The following ADAMTSL3 variants were observed in gnomAD, a reference collection of about 807,000 sequenced individuals.
The protein encoded by ADAMTSL3 is ADAMTS like 3.
In ADAMTSL3, 128 loss-of-function variants were observed where a neutral mutation model predicts 201.7. The observed-to-expected ratio is 0.63, with a 90% confidence interval of 0.55 to 0.73. The LOEUF is 0.73. Ranked by LOEUF, ADAMTSL3 falls within the 30% of genes least tolerant of loss-of-function variation. The pLI, the probability that ADAMTSL3 is intolerant of heterozygous loss-of-function variation, is 0.00. For synonymous variants in ADAMTSL3, 738 were observed against 748.4 expected (o/e 0.99, Z 0.23); for missense variants, 1,990 against 2,119.6 (o/e 0.94, Z 1.20).
At chr15:83,773,794 G>A in intron 4 of ADAMTSL3, 144 bp downstream of exon 4, 3 of 1,219,158 alleles carry the variant, frequency 2.5e-6, no homozygotes, top group Admixed American at 6.2e-5. Flanking sequence ...AGTCAACCTA[G>A]GTTAACATAT....
At chr15:83,802,411 T>C (rs1287689946) in intron 4 of ADAMTSL3, among the ~76,000 whole-genome samples, 1 of 152,222 alleles carries the variant, frequency 6.6e-6, no homozygotes, top group African/African-American at 2.4e-5. Context: ...TGCATGTGAA[T>C]GTTTATAGCA....
chr15:83,736,712 C>T (rs887151312), intron 3 of ADAMTSL3, among the ~76,000 whole-genome samples: 5 of 152,056 alleles, frequency 3.3e-5, no homozygotes, highest in African/African-American at 9.7e-5. Flanking sequence ...AGGTAGGTAG[C>T]GGGTAAGTGG....
intron 17 of ADAMTSL3, among the ~76,000 whole-genome samples, chr15:83,933,510 AG>A (rs2142012105): frequency 1.3e-5 from 2 of 152,388 alleles, no homozygotes; most frequent in East Asian, 3.9e-4. Context: ...AAAGCATAAA[AG>A]TTTAGAAAAT....
intron 10 of ADAMTSL3, among the ~76,000 whole-genome samples, chr15:83,888,208 C>T (rs1050494739): frequency 7.2e-5 from 11 of 152,252 alleles, no homozygotes; most frequent in Admixed American, 1.3e-4. Context: ...GGGTTCCTGC[C>T]GTTTTCTATA....
At chr15:83,891,149 T>C in intron 11 of ADAMTSL3, 180 bp from the exon 12 acceptor site, 1 of 540,788 alleles carries the variant, frequency 1.8e-6, no homozygotes, top group Non-Finnish European at 3.3e-6. Flanking sequence ...GTGTCGTAGA[T>C]ATTCTTGACA....
chr15:83,813,938 G>T (rs747678591), intron 5 of ADAMTSL3, among the ~76,000 whole-genome samples: 2 of 152,168 alleles, frequency 1.3e-5, no homozygotes, highest in African/African-American at 2.4e-5. Context: ...TTATACCAGG[G>T]TTTATAGGAT....
At chr15:84,028,415 G>T (rs544343975) in intron 27 of ADAMTSL3, among the ~76,000 whole-genome samples, 39 of 152,262 alleles carry the variant, frequency 2.6e-4, no homozygotes, top group African/African-American at 8.9e-4. Context: ...GAACTATCAT[G>T]ACAGTAAAGA....
At chr15:84,002,904 ATCTC>A (rs1255488844) in intron 23 of ADAMTSL3, among the ~76,000 whole-genome samples, 1 of 142,722 alleles carries the variant, frequency 7.0e-6, no homozygotes, top group Non-Finnish European at 1.5e-5. Flanking sequence ...CACCTCCATA[ATCTC>A]TCTTTTTTCT....
chr15:84,024,347 T>C (rs1242840816), intron 26 of ADAMTSL3, among the ~76,000 whole-genome samples: 2 of 152,218 alleles, frequency 1.3e-5, no homozygotes, highest in Non-Finnish European at 1.5e-5. Context: ...TTAATTTTAA[T>C]ATGGTGATGA....
chr15:83,874,225 A>G (rs2065136009), intron 9 of ADAMTSL3, among the ~76,000 whole-genome samples: 1 of 145,034 alleles, frequency 6.9e-6, no homozygotes, highest in Non-Finnish European at 1.5e-5. Flanking sequence ...CAGGGCAGGG[A>G]GGCTTTCAGG....
intron 4 of ADAMTSL3, among the ~76,000 whole-genome samples, chr15:83,775,483 A>C (rs1021466118): frequency 9.2e-5 from 14 of 152,128 alleles, no homozygotes; most frequent in Non-Finnish European, 1.9e-4. Flanking sequence ...GTTCATTTTT[A>C]AAATTTCTTT....
chr15:83,845,216 T>C (rs1369283985), intron 7 of ADAMTSL3, among the ~76,000 whole-genome samples: 1 of 152,246 alleles, frequency 6.6e-6, no homozygotes, highest in East Asian at 1.9e-4. Context: ...GCTTAGCCTT[T>C]AGGGAAAGAA....
intron 3 of ADAMTSL3, among the ~76,000 whole-genome samples, chr15:83,710,698 G>A (rs79418219): frequency 6.6e-6 from 1 of 151,968 alleles, no homozygotes; most frequent in African/African-American, 2.4e-5. Flanking sequence ...ATGATTCCTT[G>A]TTTCAATATG....
At chr15:84,034,860 G>C (rs547325687) in intron 28 of ADAMTSL3, among the ~76,000 whole-genome samples, 12 of 152,048 alleles carry the variant, frequency 7.9e-5, no homozygotes, top group African/African-American at 2.9e-4. Flanking sequence ...GTAGAAACAG[G>C]GTTCCTTTAT....
intron 5 of ADAMTSL3, among the ~76,000 whole-genome samples, chr15:83,808,758 A>G (rs1365704470): frequency 1.3e-5 from 2 of 152,218 alleles, no homozygotes; most frequent in African/African-American, 4.8e-5. Flanking sequence ...TGGTTAAAGA[A>G]AATGTGGTAT....
At position 83,913,117 on chromosome 15, in the gene ADAMTSL3, T is replaced by C. The variant is rs374537748; in HGVS notation, c.1726T>C (p.Cys576Arg). The C allele has an allele frequency of 6.2e-7, 1 of 1,614,160 alleles. No homozygotes were observed. Among genetic ancestry groups the C allele is most frequent in the Non-Finnish European group, 8.5e-7 (1 of 1,180,034 alleles). ...GTTCATTCCAGAACCCTGGTCAGCC[T>C]GCAGTACCACGTGTGGGCCGGGTGT... The part of the protein sequence containing the change: ...PTFIPEPWSA[C>R]STTCGPGVQV... Residue 576 changes from cysteine (C) to arginine (R), a missense_variant, in exon 16 of 30, where the codon TGC (cysteine) becomes CGC (arginine). Physicochemically the swap from Cys to Arg is radical, Grantham distance 180. Coordinates refer to ENST00000286744, the MANE Select transcript of ADAMTSL3 (RefSeq NM_207517.3).
chr15:83,823,182 C>G lies in ADAMTSL3; in HGVS notation c.600+3135C>G, dbSNP rs922050781. 1.1e-4 allele frequency among the ~76,000 whole-genome samples: 6 copies of G among 53,960 alleles called. No homozygotes were observed. In the South Asian group the frequency reaches 4.1e-3, roughly 37 times the overall value. The allele number at this position is 53,960 out of a possible 152,430, so 35.4% of individuals were successfully genotyped here. On this transcript the variant is annotated intron_variant, in intron 6 of 29. Transcript: ENST00000286744. Reference sequence around the variant, plus strand: ...CTTTGGCTTGGCATCAGAGGGAGACCGTGGGGAGAGGGAGAGGGTGAGGGA... The same window carrying G: ...CTTTGGCTTGGCATCAGAGGGAGACGGTGGGGAGAGGGAGAGGGTGAGGGA...
At position 83,907,027 on chromosome 15, in the gene ADAMTSL3, A is replaced by G. The variant is rs185809452; in HGVS notation, c.1701-6065A>G. On this transcript the variant is annotated intron_variant, in intron 15 of 29. Coordinates refer to ENST00000286744, the MANE Select transcript of ADAMTSL3 (RefSeq NM_207517.3). ...CTCACTTGGTTGAGCCCCAGAGTTC[A>G]AGGCTGCATTGAGCCGTGATCACAC... 7.1e-4 allele frequency among the ~76,000 whole-genome samples: 107 copies of G among 150,888 alleles called. 2 individuals are homozygous for G. The East Asian group carries it at 0.018, about 25-fold the overall frequency.
intron 23 of ADAMTSL3, among the ~76,000 whole-genome samples, chr15:84,011,025 T>C (rs2067997992): frequency 6.6e-6 from 1 of 152,242 alleles, no homozygotes; most frequent in Non-Finnish European, 1.5e-5. Flanking sequence ...GGGCCCACTC[T>C]AGATTAAGGT....
Sources: gnomAD v4.1 joint callset for allele counts (sites outside exome capture counted in the v4.1 genomes callset) on GRCh38, gnomAD v4.1.1 for gene constraint, MANE v1.5 for transcripts, NCBI Gene and HGNC (gene_info 2026-07-23, HGNC 2026-07-21) for gene names.